The following DNM3 variants were observed in gnomAD, a reference collection of about 807,000 sequenced individuals.
The protein encoded by DNM3 is dynamin 3.
In DNM3, 47 loss-of-function variants were observed where a neutral mutation model predicts 101.6. The observed-to-expected ratio is 0.46, with a 90% CI of 0.37 to 0.59. DNM3 has a LOEUF of 0.59. Among genes scored for constraint, DNM3 ranks in the 20% least tolerant of loss-of-function variants. DNM3 has a pLI of 0.00. For missense variants in DNM3, 849 were observed against 1,085.7 expected (o/e 0.78, Z 3.06); for synonymous variants, 385 against 387.9 (o/e 0.99, Z 0.09).
At chr1:172,197,611 T>C (rs2060000790) in intron 14 of DNM3, among the ~76,000 whole-genome samples, 1 of 151,896 alleles carries the variant, frequency 6.6e-6, no homozygotes. Flanking sequence ...AACCTCATTA[T>C]AGATATCTTT....
intron 11 of DNM3, among the ~76,000 whole-genome samples, chr1:172,073,354 T>TGCATATGTGTACATATTGAA (rs1485401565): frequency 6.6e-6 from 1 of 152,062 alleles, no homozygotes; most frequent in Non-Finnish European, 1.5e-5. Context: ...TGAACATATA[T>TGCATATGTGTACATATTGAA]GCATATGTGT....
At chr1:172,336,147 C>T (rs1462000822) in intron 17 of DNM3, among the ~76,000 whole-genome samples, 1 of 151,948 alleles carries the variant, frequency 6.6e-6, no homozygotes, top group African/African-American at 2.4e-5. Flanking sequence ...AGGACAGCCC[C>T]CCACACAAAG....
intron 14 of DNM3, chr1:172,137,245 T>C (rs2148124298): frequency 6.6e-6 from 1 of 152,282 alleles, no homozygotes; most frequent in African/African-American, 2.4e-5. Flanking sequence ...TGAGTAATTT[T>C]TATATTGTCT....
chr1:171,906,490 T>C (rs971109059), intron 1 of DNM3, among the ~76,000 whole-genome samples: 7 of 152,090 alleles, frequency 4.6e-5, no homozygotes, highest in African/African-American at 1.7e-4. Context: ...TTCCTTATAA[T>C]AGTTTCTTTT....
At chr1:171,894,297 G>A (rs915492339) in intron 1 of DNM3, among the ~76,000 whole-genome samples, 1 of 152,242 alleles carries the variant, frequency 6.6e-6, no homozygotes, top group African/African-American at 2.4e-5. Flanking sequence ...CTGTCCTTGA[G>A]CAGGGAAAGT....
At chr1:172,395,350 G>A (rs1458182211) in intron 20 of DNM3, among the ~76,000 whole-genome samples, 1 of 151,612 alleles carries the variant, frequency 6.6e-6, no homozygotes, top group Non-Finnish European at 1.5e-5. Context: ...TTTGTATTTT[G>A]AGTAGAGATA....
intron 14 of DNM3, among the ~76,000 whole-genome samples, chr1:172,212,874 G>A (rs936272982): frequency 8.5e-5 from 13 of 152,158 alleles, no homozygotes; most frequent in South Asian, 2.1e-4. Flanking sequence ...ATGTACTCTC[G>A]CCTTACCTGA....
At chr1:172,082,843 G>A (rs539717233) in intron 12 of DNM3, among the ~76,000 whole-genome samples, 3 of 152,296 alleles carry the variant, frequency 2.0e-5, no homozygotes, top group Non-Finnish European at 4.4e-5. Context: ...TTATCCAACT[G>A]AAAATTATCT....
chr1:172,163,812 A>T (rs909486845), intron 14 of DNM3, among the ~76,000 whole-genome samples: 8 of 152,028 alleles, frequency 5.3e-5, no homozygotes, highest in African/African-American at 1.9e-4. Context: ...AAATGGCAAG[A>T]TTTCTTTCAT....
intron 12 of DNM3, among the ~76,000 whole-genome samples, chr1:172,082,241 GT>G (rs2053207970): frequency 6.6e-6 from 1 of 151,110 alleles, no homozygotes; most frequent in Non-Finnish European, 1.5e-5. Context: ...GAGGGGAACA[GT>G]TTTTCACATC....
chr1:172,145,324 GTCTC>G (rs535746382), intron 14 of DNM3, among the ~76,000 whole-genome samples: 60 of 140,930 alleles, frequency 4.3e-4, no homozygotes, highest in East Asian at 8.3e-4. Context: ...CTGTCTGTCT[GTCTC>G]TCTCTCTCTC....
chr1:172,408,648 G>A lies in DNM3; in HGVS notation c.*807G>A. Reference sequence around the variant, plus strand: ...CTTTACTTATATTCACCTCATGGTAGGTTATATTGAAGGCTGACATGGAGA... The same window carrying A: ...CTTTACTTATATTCACCTCATGGTAAGTTATATTGAAGGCTGACATGGAGA... On this transcript the variant is annotated 3_prime_UTR_variant, in exon 21 of 21. Transcript: ENST00000627582. The A allele has an allele frequency of 1.0e-6, 1 of 985,054 alleles. No homozygotes were observed. The highest frequency in any genetic ancestry group is 1.2e-6 in the Non-Finnish European group (1 of 829,628). 61.0% of individuals were successfully genotyped at this position (985,054 alleles called of 1,614,324 possible). A position where few individuals can be genotyped will look rare whatever the true frequency, so the allele number is the denominator to read the frequency against.
chr1:172,279,709 C>T (rs1024032278), intron 15 of DNM3, among the ~76,000 whole-genome samples: 7 of 152,176 alleles, frequency 4.6e-5, no homozygotes, highest in African/African-American at 7.2e-5. Context: ...CTTCACTTTC[C>T]GCACCCAGTT....
intron 15 of DNM3, among the ~76,000 whole-genome samples, chr1:172,279,345 G>T (rs1246321798): frequency 2.6e-5 from 4 of 152,082 alleles, no homozygotes; most frequent in Non-Finnish European, 2.9e-5. Context: ...ATGGGTGTTT[G>T]CACTTGAATA....
chr1:172,049,908 G>T (rs150276494), intron 10 of DNM3, among the ~76,000 whole-genome samples: 32 of 152,216 alleles, frequency 2.1e-4, no homozygotes, highest in Middle Eastern at 3.4e-3. Flanking sequence ...TGAATTCCTA[G>T]ATGTGAAGGC....
At chr1:172,340,426 G>T (rs1326808774) in intron 17 of DNM3, among the ~76,000 whole-genome samples, 1 of 152,148 alleles carries the variant, frequency 6.6e-6, no homozygotes, top group African/African-American at 2.4e-5. Context: ...TTCAGTTTCT[G>T]TCTCCCATAC....
intron 4 of DNM3, among the ~76,000 whole-genome samples, chr1:172,032,061 T>A (rs879492657): frequency 2.6e-5 from 4 of 152,166 alleles, no homozygotes; most frequent in Non-Finnish European, 5.9e-5. Flanking sequence ...TTTCAAATAT[T>A]CATATTAGGT....
intron 1 of DNM3, among the ~76,000 whole-genome samples, chr1:171,884,017 TG>T (rs951909434): frequency 6.6e-6 from 1 of 152,232 alleles, no homozygotes; most frequent in Non-Finnish European, 1.5e-5. Flanking sequence ...GTCTGACTGC[TG>T]GGAGATCACA....
chr1:172,221,732 A>G (rs2060912837), intron 14 of DNM3, among the ~76,000 whole-genome samples: 3 of 152,112 alleles, frequency 2.0e-5, no homozygotes, highest in Admixed American at 2.0e-4. Flanking sequence ...GTGCATGCAC[A>G]CACCACACTG....
Sources: allele counts gnomAD v4.1 joint callset (sites outside exome capture counted in the v4.1 genomes callset), GRCh38; gene constraint gnomAD v4.1.1; transcripts MANE v1.5; gene names NCBI Gene and HGNC (gene_info 2026-07-23, HGNC 2026-07-21).